OBI1: variants seen among roughly 807,000 people sequenced by gnomAD.
OBI1 encodes the protein ring finger protein 219.
Under a neutral mutation model 62.4 loss-of-function variants are expected in OBI1, and 59 were observed. The ratio of observed to expected loss-of-function variants is 0.95; its 90% CI spans 0.77 to 1.17. The LOEUF is 1.17. Among genes scored for constraint, OBI1 ranks in the 50% most tolerant of loss-of-function variants. OBI1 has a pLI of 0.00. For missense variants in OBI1, 875 were observed against 830.9 expected (o/e 1.05, Z -0.65); for synonymous variants, 302 against 292.8 (o/e 1.03, Z -0.32).
chr13:78,624,965 T>C (rs886404962), intron 5 of OBI1, among the ~76,000 whole-genome samples: 1 of 152,230 alleles, frequency 6.6e-6, no homozygotes, highest in Non-Finnish European at 1.5e-5. Context: ...CTCTAAGTAC[T>C]ACTTTCTCTG....
At position 78,643,961 on chromosome 13, in the gene OBI1, T is replaced by A. The variant is rs192247137; in HGVS notation, c.208+901A>T. On this transcript the variant is annotated intron_variant, in intron 2 of 5. Transcript: ENST00000282003. ...TTTAATTTTTGCAACCTAAAATAAA[T>A]AACTTATATGAGTAGAATAAAAACC... 1.1e-4 allele frequency among the ~76,000 whole-genome samples: 16 copies of A among 152,304 alleles called. No individual in the cohort carries two copies. In the East Asian group the frequency reaches 2.9e-3, roughly 28 times the overall value.
At chr13:78,628,559 T>G (rs1875750943) in intron 5 of OBI1, among the ~76,000 whole-genome samples, 1 of 151,612 alleles carries the variant, frequency 6.6e-6, no homozygotes, top group Non-Finnish European at 1.5e-5. Context: ...AGAACTGGAG[T>G]AGGATGAGAT....
In OBI1 at chr13:78,616,694, G is replaced by T; in HGVS notation, c.1067C>A (p.Thr356Lys). 6.2e-7 allele frequency: 1 copy of T among 1,614,134 alleles called. No homozygotes were observed. Among genetic ancestry groups the T allele is most frequent in the South Asian group, 1.1e-5 (1 of 91,076 alleles). The change falls in exon 6 of 6, where the codon ACA becomes AAA. Residue 356 changes from threonine (T) to lysine (K), a missense_variant. Transcript: ENST00000282003. ...CAAATAAGTATCCATACTTGTATCTGTCACATCTAACATTACTTCTACCTG... is the reference window on the plus strand; with the variant it reads ...CAAATAAGTATCCATACTTGTATCTTTCACATCTAACATTACTTCTACCTG... ...QEQVEVMLDVTDTSMDTYLER... is the reference protein window; with the variant it reads ...QEQVEVMLDVKDTSMDTYLER...
At chr13:78,631,431 T>C (rs1047310328) in intron 5 of OBI1, among the ~76,000 whole-genome samples, 2 of 152,164 alleles carry the variant, frequency 1.3e-5, no homozygotes, top group Admixed American at 1.3e-4. Flanking sequence ...TAGCACAATG[T>C]TAAGTAAGAA....
chr13:78,642,818 C>T (rs1359159636), intron 2 of OBI1, among the ~76,000 whole-genome samples: 2 of 151,848 alleles, frequency 1.3e-5, no homozygotes, highest in Admixed American at 6.6e-5. Context: ...ACCCGGGAGG[C>T]GGAGCTTGCA....
chr13:78,624,537 G>A (rs955522386), intron 5 of OBI1, among the ~76,000 whole-genome samples: 1 of 152,060 alleles, frequency 6.6e-6, no homozygotes, highest in Non-Finnish European at 1.5e-5. Context: ...GCATGATCAC[G>A]GCTCACTGCA....
chr13:78,639,602 A>C (rs1876144723), intron 3 of OBI1, among the ~76,000 whole-genome samples: 1 of 147,760 alleles, frequency 6.8e-6, no homozygotes, highest in Admixed American at 6.8e-5. Flanking sequence ...CAAATGTCCA[A>C]CAATGATAGA....
rs1875290794 is a variant in OBI1, at chr13:78,616,425, C to A, written c.1336G>T (p.Asp446Tyr). 3 of 1,613,030 alleles carry A rather than the reference C, an allele frequency of 1.9e-6. No homozygotes were observed. Among genetic ancestry groups the A allele is most frequent in the East Asian group, 2.2e-5 (1 of 44,874 alleles). Reference protein sequence around the residue: ...NVSNKDSSEDDISRSENEKKS... With the variant: ...NVSNKDSSEDYISRSENEKKS... ...TTTTCATTTTCACTTCTACTTATAT[C>A]ATCTTCTGAAGAATCTTTATTAGAA... is the stretch of plus-strand genomic sequence containing the variant. Residue 446 changes from aspartate (D) to tyrosine (Y), a missense_variant, in exon 6 of 6, where the codon GAT (aspartate) becomes TAT (tyrosine). Transcript: ENST00000282003.
At chr13:78,627,310 A>T (rs1305134343) in intron 5 of OBI1, among the ~76,000 whole-genome samples, 8 of 52,326 alleles carry the variant, frequency 1.5e-4, no homozygotes, top group African/African-American at 5.9e-4. Context: ...TATTTATTCT[A>T]AAAAAAAAAA....
chr13:78,652,990 T>C (rs1593802578), intron 1 of OBI1, among the ~76,000 whole-genome samples: 1 of 152,176 alleles, frequency 6.6e-6, no homozygotes, highest in Non-Finnish European at 1.5e-5. Context: ...TTACAATCTG[T>C]TACTCTGATA....
chr13:78,615,140 G>T lies in OBI1; in HGVS notation c.*440C>A. 6.4e-6 allele frequency: 1 copy of T among 156,880 alleles called. No homozygotes were observed. Among genetic ancestry groups the T allele is most frequent in the Non-Finnish European group, 1.4e-5 (1 of 71,012 alleles). The allele number at this position is 156,880 out of a possible 1,614,324, so 9.7% of individuals were successfully genotyped here. On this transcript the variant is annotated 3_prime_UTR_variant, in exon 6 of 6. Coordinates refer to ENST00000282003, the MANE Select transcript of OBI1 (RefSeq NM_024546.4). ...AAACTCAAGTGTCTTATTGAGCAGT[G>T]TATAGACAACACTAAAAGTTTTATT...
chr13:78,657,866 A>AAT (rs939033593), intron 1 of OBI1, among the ~76,000 whole-genome samples: 4 of 152,186 alleles, frequency 2.6e-5, no homozygotes, highest in African/African-American at 9.7e-5. Flanking sequence ...GGCAGTAAGT[A>AAT]ATAGCTCAAT....
intron 4 of OBI1, among the ~76,000 whole-genome samples, chr13:78,635,741 T>G (rs545928166): frequency 2.8e-4 from 42 of 152,190 alleles, no homozygotes; most frequent in African/African-American, 8.7e-4. Context: ...AAATTGGATC[T>G]ATCTATCTAT....
rs572106642 is a variant in OBI1 at position 78,641,169 on chromosome 13, ATTTG to A, written c.300+949_300+952del. Among the ~76,000 whole-genome samples the A allele has an allele frequency of 4.7e-4, 71 of 152,342 alleles. 1 individual carries two copies. The South Asian group carries it at 0.013, about 28-fold the overall frequency. On this transcript the variant is annotated intron_variant, in intron 3 of 5. Transcript: ENST00000282003. The stretch of plus-strand genomic sequence containing the variant: ...GCTCAAGTGATCTCCCAAAGGATTA[ATTTG>A]TTTACCATCTGAGTATGATAAATAT...
At position 78,644,910 on chromosome 13, in the gene OBI1, C is replaced by T. The variant is rs1339693977; in HGVS notation, c.160G>A (p.Ala54Thr). The part of the protein sequence containing the change: ...LWLKNNSQCP[A>T]CRVPITPENP... ...TCAGGAGTGATGGGGACTCTGCAAG[C>T]TGGACACTGGCTATTATTCTTCAAC... The change falls in exon 2 of 6, where the codon GCT becomes ACT. Residue 54 changes from alanine (A) to threonine (T), a missense_variant. Physicochemically the swap from Ala to Thr is moderately conservative, Grantham distance 58. Coordinates refer to ENST00000282003, the MANE Select transcript of OBI1 (RefSeq NM_024546.4). The T allele has an allele frequency of 6.2e-7, 1 of 1,614,036 alleles. No homozygotes were observed.
chr13:78,656,404 G>T (rs917693305), intron 1 of OBI1, among the ~76,000 whole-genome samples: 2 of 151,966 alleles, frequency 1.3e-5, no homozygotes, highest in African/African-American at 4.8e-5. Flanking sequence ...CCAACATGGA[G>T]AAACCCCGTC....
At position 78,651,136 on chromosome 13, in the gene OBI1, A is replaced by T. The variant is rs116189823; in HGVS notation, c.73-6139T>A. 6.2e-3 allele frequency among the ~76,000 whole-genome samples: 951 copies of T among 152,324 alleles called. 9 individuals are homozygous for T. Among genetic ancestry groups the T allele is most frequent in the African/African-American group, 0.022 (902 of 41,570 alleles). On this transcript the variant is annotated intron_variant, in intron 1 of 5. Transcript: ENST00000282003. ...AAAAATGTACATCTCAGAATAGTCA[A>T]AACATGACAAATCTACCTCCAAACA...
chr13:78,633,661 C>G (rs901823850), intron 5 of OBI1, among the ~76,000 whole-genome samples: 2 of 152,086 alleles, frequency 1.3e-5, no homozygotes, highest in Non-Finnish European at 2.9e-5. Context: ...GTGCTGTCTG[C>G]GATCTTTTCT....
chr13:78,624,206 G>A (rs933715938), intron 5 of OBI1, among the ~76,000 whole-genome samples: 4 of 152,236 alleles, frequency 2.6e-5, no homozygotes, highest in South Asian at 2.1e-4. Context: ...TACAAGCTAC[G>A]TTATGTTGCA....
Sources: gnomAD v4.1 joint callset for allele counts (sites outside exome capture counted in the v4.1 genomes callset) on GRCh38, gnomAD v4.1.1 for gene constraint, MANE v1.5 for transcripts, NCBI Gene and HGNC (gene_info 2026-07-23, HGNC 2026-07-21) for gene names.